Variants in EPB41L2 observed in about 807,000 individuals in gnomAD.
EPB41L2 encodes band 4.1-like protein 2.
Under a neutral mutation model 113.0 loss-of-function variants are expected in EPB41L2, and 43 were observed. The ratio of observed to expected loss-of-function variants is 0.38; its 90% confidence interval spans 0.30 to 0.49. The LOEUF is 0.49. Ranked by LOEUF, EPB41L2 falls within the 20% of genes least tolerant of loss-of-function variation. The pLI, the probability that EPB41L2 is intolerant of heterozygous loss-of-function variation, is 0.95. For synonymous variants in EPB41L2, 442 were observed against 436.7 expected (o/e 1.01, Z -0.15); for missense variants, 1,147 against 1,223.4 (o/e 0.94, Z 0.93).
At chr6:130,918,154 T>C (rs1017316771) in intron 4 of EPB41L2, among the ~76,000 whole-genome samples, 2 of 152,332 alleles carry the variant, frequency 1.3e-5, no homozygotes, top group Middle Eastern at 3.4e-3. Flanking sequence ...TTTAACTAGA[T>C]TGAATGTAGA....
intron 1 of EPB41L2, among the ~76,000 whole-genome samples, chr6:131,037,568 T>G (rs1436073059): frequency 6.6e-6 from 1 of 150,758 alleles, no homozygotes; most frequent in Non-Finnish European, 1.5e-5. Flanking sequence ...TTCATCTTTA[T>G]ACTTTGAAAA....
intron 14 of EPB41L2, among the ~76,000 whole-genome samples, chr6:130,871,229 G>C (rs73632237): frequency 0.011 from 1,729 of 152,076 alleles, 41 homozygotes; most frequent in African/African-American, 0.04. Flanking sequence ...TGTACAGAGG[G>C]GTTTTTAAAG....
At chr6:130,963,241 G>T (rs7766938) in intron 1 of EPB41L2, among the ~76,000 whole-genome samples, 1 of 152,158 alleles carries the variant, frequency 6.6e-6, no homozygotes. Flanking sequence ...GTTGACTTCT[G>T]CATATTCTGA....
intron 2 of EPB41L2, among the ~76,000 whole-genome samples, chr6:130,955,743 G>A (rs1029705138): frequency 2.0e-5 from 3 of 152,014 alleles, no homozygotes; most frequent in African/African-American, 4.8e-5. Context: ...GGCAGGGCTC[G>A]GAGTATCTAC....
chr6:130,900,109 C>T (rs1226118633), intron 7 of EPB41L2, among the ~76,000 whole-genome samples: 21 of 152,156 alleles, frequency 1.4e-4, no homozygotes, highest in Non-Finnish European at 1.5e-5. Flanking sequence ...AGATCATGTC[C>T]CATTAATTTT....
At chr6:131,039,378 G>A (rs1053365899) in intron 1 of EPB41L2, among the ~76,000 whole-genome samples, 11 of 152,152 alleles carry the variant, frequency 7.2e-5, no homozygotes, top group African/African-American at 2.2e-4. Context: ...AAGTAATGAA[G>A]ATGCTGTTTA....
chr6:130,994,392 C>G (rs1782582425), intron 1 of EPB41L2, among the ~76,000 whole-genome samples: 1 of 152,114 alleles, frequency 6.6e-6, no homozygotes, highest in Non-Finnish European at 1.5e-5. Context: ...GGCTGTGCAA[C>G]AGGAGAGGGC....
rs1786147410 is a variant in EPB41L2 at position 130,872,676 on chromosome 6, G to A, written c.2044-2550C>T. On this transcript the variant is annotated intron_variant, in intron 14 of 19. Coordinates refer to ENST00000337057, the MANE Select transcript of EPB41L2 (RefSeq NM_001431.4). ...AAATGAAAGAAAAGATGAGAATTCT[G>A]ACAGATTCTGGAGCAGGCTTATGAA... 5.5e-6 allele frequency: 3 copies of A among 541,494 alleles called. No individual in the cohort carries two copies. The African/African-American group carries it at 6.0e-5, about 11-fold the overall frequency. The allele number at this position is 541,494 out of a possible 1,614,324, so 33.5% of individuals were successfully genotyped here.
chr6:130,880,082 C>A, intron 13 of EPB41L2, 62 bp downstream of exon 13: 1 of 1,286,186 alleles, frequency 7.8e-7, no homozygotes, highest in Non-Finnish European at 1.1e-6. Flanking sequence ...CTAGGCGTGA[C>A]CTCCCGTCCA....
rs151047860 is a variant in EPB41L2, at chr6:130,974,788, C to T, written c.-14-18289G>A. 8.7e-3 allele frequency among the ~76,000 whole-genome samples: 1,101 copies of T among 126,100 alleles called. 11 individuals are homozygous for T. Among genetic ancestry groups the T allele is most frequent in the African/African-American group, 0.029 (970 of 33,744 alleles). The allele number at this position is 126,100 out of a possible 152,430, so 82.7% of individuals were successfully genotyped here. On this transcript the variant is annotated intron_variant, in intron 1 of 19. Transcript: ENST00000337057. ...ACTCCCAGGCTGGAGTACAGTGGCG[C>T]GATCTCAGTTCACTACAACCTCTGC...
intron 12 of EPB41L2, chr6:130,882,155 C>T (rs1477229753): frequency 6.6e-6 from 1 of 152,214 alleles, no homozygotes; most frequent in Non-Finnish European, 1.5e-5. Flanking sequence ...GCATTAATAT[C>T]TGTTTGCAAA....
chr6:130,964,067 G>A (rs1774333315), intron 1 of EPB41L2, among the ~76,000 whole-genome samples: 1 of 151,670 alleles, frequency 6.6e-6, no homozygotes, highest in African/African-American at 2.4e-5. Flanking sequence ...GTCGCCCAGG[G>A]CTGAAGTGCC....
intron 1 of EPB41L2, among the ~76,000 whole-genome samples, chr6:131,032,767 C>T (rs547089058): frequency 3.3e-5 from 5 of 152,146 alleles, no homozygotes; most frequent in African/African-American, 1.2e-4. Context: ...TTTATATATA[C>T]CAATGCTGAA....
intron 1 of EPB41L2, among the ~76,000 whole-genome samples, chr6:131,031,748 A>C (rs1005147387): frequency 6.6e-6 from 1 of 152,328 alleles, no homozygotes; most frequent in East Asian, 1.9e-4. Context: ...AAGCTCTGAT[A>C]ATATATGTTT....
Position 130,858,186 on chromosome 6 carries a change from T to C in EPB41L2, c.2968A>G (p.Arg990Gly), listed in dbSNP as rs1780891123. ...TCTGTTTCTTTGTGTACCACCACTC[T>C]TGTGACCGACATGTCAGGGTGCTGC... is the stretch of plus-strand genomic sequence containing the variant. The part of the protein sequence containing the change: ...REQHPDMSVT[R>G]VVVHKETELA... Residue 990 changes from arginine (R) to glycine (G), a missense_variant, in exon 19 of 20, where the codon AGA becomes GGA. Physicochemically the swap from Arg to Gly is moderately radical, Grantham distance 125. Transcript: ENST00000337057. 6.2e-7 allele frequency: 1 copy of C among 1,614,078 alleles called. No individual in the cohort carries two copies. Among genetic ancestry groups the C allele is most frequent in the Non-Finnish European group, 8.5e-7 (1 of 1,179,942 alleles).
intron 19 of EPB41L2, among the ~76,000 whole-genome samples, chr6:130,847,119 C>G (rs568420533): frequency 3.3e-5 from 5 of 152,250 alleles, no homozygotes; most frequent in Admixed American, 2.0e-4. Flanking sequence ...GCTGAGAACT[C>G]TATACATAAC....
At chr6:130,892,403 C>CTGTTTTTTTGTTTTTTTTTTTTTTTTTTT (rs1793196377) in intron 10 of EPB41L2, among the ~76,000 whole-genome samples, 1 of 92,640 alleles carries the variant, frequency 1.1e-5, no homozygotes, top group African/African-American at 3.5e-5. Flanking sequence ...CAGATTATTG[C>CTGTTTTTTTGTTTTTTTTTTTTTTTTTTT]TTTTTTTTTT....
At chr6:130,914,759 A>T (rs1256536195) in intron 4 of EPB41L2, among the ~76,000 whole-genome samples, 1 of 152,034 alleles carries the variant, frequency 6.6e-6, no homozygotes, top group East Asian at 1.9e-4. Context: ...TTGTTTTATT[A>T]AAAAAAATAA....
intron 1 of EPB41L2, among the ~76,000 whole-genome samples, chr6:131,060,870 TTTGAAATATACACACTTAG>T (rs1434134190): frequency 6.6e-6 from 1 of 152,232 alleles, no homozygotes; most frequent in African/African-American, 2.4e-5. Context: ...AAATTTCAGA[TTTGAAATATACACACTTAG>T]TTGCTACAAA....
Sources: gnomAD v4.1 joint callset for allele counts (sites outside exome capture counted in the v4.1 genomes callset) on GRCh38, gnomAD v4.1.1 for gene constraint, MANE v1.5 for transcripts, NCBI Gene and HGNC (gene_info 2026-07-23, HGNC 2026-07-21) for gene names.